The following GATAD2B variants were observed in gnomAD, a reference collection of about 807,000 sequenced individuals.
GATAD2B encodes the protein transcriptional repressor p66-beta.
A neutral mutation model predicts 64.3 loss-of-function variants in GATAD2B; 8 were observed. That is an observed-to-expected ratio of 0.12 (90% CI 0.07 to 0.22). The LOEUF is 0.22. Ranked by LOEUF, GATAD2B falls within the 10% of genes least tolerant of loss-of-function variation. The pLI is 1.00. For synonymous variants in GATAD2B, 281 were observed against 271.3 expected, an observed-to-expected ratio of 1.04 and a Z score of -0.35; for missense variants, 453 against 752.0, an observed-to-expected ratio of 0.60 and a Z score of 4.65.
chr1:153,920,975 C>T (rs556697381), intron 1 of GATAD2B, among the ~76,000 whole-genome samples: 2 of 152,194 alleles, frequency 1.3e-5, no homozygotes, highest in East Asian at 3.9e-4. Context: ...ATATCCGTCA[C>T]AAAAAAAGCA....
intron 1 of GATAD2B, among the ~76,000 whole-genome samples, chr1:153,868,905 C>T (rs182303800): frequency 3.0e-4 from 45 of 151,938 alleles, no homozygotes; most frequent in African/African-American, 8.7e-4. Flanking sequence ...TGGCTAGTTT[C>T]GTATTTTTAG....
intron 1 of GATAD2B, among the ~76,000 whole-genome samples, chr1:153,862,376 A>G (rs1293181669): frequency 1.3e-5 from 2 of 151,578 alleles, no homozygotes; most frequent in Non-Finnish European, 2.9e-5. Flanking sequence ...GCCCGCCTCA[A>G]CCTCCCAAAG....
At chr1:153,869,175 C>T (rs1417801769) in intron 1 of GATAD2B, among the ~76,000 whole-genome samples, 2 of 151,680 alleles carry the variant, frequency 1.3e-5, no homozygotes, top group Non-Finnish European at 2.9e-5. Flanking sequence ...GCCTGTAGTC[C>T]CAGCTACTTG....
intron 1 of GATAD2B, among the ~76,000 whole-genome samples, chr1:153,883,765 G>A (rs547452268): frequency 2.0e-5 from 3 of 150,942 alleles, no homozygotes; most frequent in Middle Eastern, 3.4e-3. Flanking sequence ...TAAGCTGTCT[G>A]TAGCAATTAC....
chr1:153,900,135 T>G (rs895404880), intron 1 of GATAD2B, among the ~76,000 whole-genome samples: 3 of 152,124 alleles, frequency 2.0e-5, no homozygotes, highest in Non-Finnish European at 4.4e-5. Context: ...TTTTTTTTAC[T>G]GGGCGCAGTG....
intron 1 of GATAD2B, among the ~76,000 whole-genome samples, chr1:153,899,837 A>G (rs959776771): frequency 2.0e-5 from 3 of 152,184 alleles, no homozygotes; most frequent in African/African-American, 7.2e-5. Context: ...TTTTTGGAGA[A>G]TAACTTAAAG....
chr1:153,906,043 G>C (rs1375748826), intron 1 of GATAD2B, among the ~76,000 whole-genome samples: 1 of 148,998 alleles, frequency 6.7e-6, no homozygotes, highest in East Asian at 2.0e-4. Context: ...CTCCAGCCTG[G>C]TGACAGAGGG....
intron 1 of GATAD2B, among the ~76,000 whole-genome samples, chr1:153,917,708 T>C (rs932084167): frequency 6.6e-6 from 1 of 152,150 alleles, no homozygotes; most frequent in Non-Finnish European, 1.5e-5. Context: ...AAACATTTAT[T>C]ATTAACTACA....
At chr1:153,881,650 G>A (rs1342331541) in intron 1 of GATAD2B, among the ~76,000 whole-genome samples, 1 of 152,202 alleles carries the variant, frequency 6.6e-6, no homozygotes, top group Non-Finnish European at 1.5e-5. Context: ...GGGAGGGCAA[G>A]ACAGTTAAAA....
intron 1 of GATAD2B, among the ~76,000 whole-genome samples, chr1:153,908,758 G>A (rs1277149641): frequency 1.5e-5 from 2 of 134,190 alleles, no homozygotes; most frequent in Admixed American, 8.5e-5. Flanking sequence ...GTGAGCCACC[G>A]CACCTGGCCT....
Position 153,810,197 on chromosome 1 carries a change from A to G in GATAD2B, c.1762T>C (p.Ser588Pro), listed in dbSNP as rs759123419. ...AGGCGTTATTTCTGTCCACTGATGG[A>G]CTGCGATATAGACCGGGGAGGGATC... ...DMIPPRSISQ[S>P]ISGQK is the part of the protein sequence containing the mutation. The change falls in exon 11 of 11, where the codon TCC becomes CCC. Residue 588 changes from serine to proline, a missense_variant. By Grantham distance (74) the Ser-to-Pro change is moderately conservative. Around this residue, in one of 2 missense-constraint regions of GATAD2B, gnomAD observed 160 missense variants for 334.7 expected, o/e 0.48. Coordinates refer to ENST00000368655, the MANE Select transcript of GATAD2B (RefSeq NM_020699.4). The G allele has an allele frequency of 1.2e-6, 2 of 1,610,870 alleles. No individual in the cohort carries two copies. Among genetic ancestry groups the G allele is most frequent in the South Asian group, 2.2e-5 (2 of 90,526 alleles).
At position 153,808,168 on chromosome 1, in the gene GATAD2B, C is replaced by A. The variant is rs1239105506; in HGVS notation, c.*2009G>T. 2 of 152,552 alleles carry A rather than the reference C, an allele frequency of 1.3e-5. No individual in the cohort carries two copies. The highest frequency in any genetic ancestry group is 3.9e-4 in the East Asian group (2 of 5,194). The allele number at this position is 152,552 out of a possible 1,614,324, so 9.4% of individuals were successfully genotyped here. The stretch of plus-strand genomic sequence containing the variant: ...GTACCACATTCCCCGGAAAAATACT[C>A]AAAAAACCCAATCACTACCTGTTAC... On this transcript the variant is annotated 3_prime_UTR_variant, in exon 11 of 11. Transcript: ENST00000368655.
At chr1:153,831,652 AC>A (rs1675079717) in intron 1 of GATAD2B, among the ~76,000 whole-genome samples, 1 of 152,048 alleles carries the variant, frequency 6.6e-6, no homozygotes, top group Admixed American at 6.6e-5. Flanking sequence ...ATCACACTTC[AC>A]CTCCCAATTT....
intron 1 of GATAD2B, among the ~76,000 whole-genome samples, chr1:153,833,073 A>G (rs1257422270): frequency 6.6e-6 from 1 of 152,162 alleles, no homozygotes; most frequent in African/African-American, 2.4e-5. Context: ...TGGGCATAGT[A>G]GTGCACACCA....
At chr1:153,892,556 A>C (rs1677449375) in intron 1 of GATAD2B, among the ~76,000 whole-genome samples, 1 of 152,176 alleles carries the variant, frequency 6.6e-6, no homozygotes, top group African/African-American at 2.4e-5. Context: ...AAGGAGTTTA[A>C]AATCAGAATT....
intron 1 of GATAD2B, among the ~76,000 whole-genome samples, chr1:153,851,536 A>G (rs1441667634): frequency 6.6e-6 from 1 of 152,120 alleles, no homozygotes; most frequent in Non-Finnish European, 1.5e-5. Flanking sequence ...ATGATTAGCA[A>G]TGTTGAGCAA....
In GATAD2B at chr1:153,812,091, G is replaced by C. The variant is rs531641324; in HGVS notation, c.1461C>G (p.Pro487=). 68 of 1,612,744 alleles carry C rather than the reference G, an allele frequency of 4.2e-5. No homozygotes were observed. Among genetic ancestry groups the C allele is most frequent in the East Asian group, 1.3e-4 (6 of 44,884 alleles). ...QRLQQQAALS[P]TTAPAVSSVS... Reference sequence around the variant, plus strand: ...CACTGGACACAGCTGGAGCCGTAGTGGGGGAGAGGGCTGCCTGCTGCTGTA... The same window carrying C: ...CACTGGACACAGCTGGAGCCGTAGTCGGGGAGAGGGCTGCCTGCTGCTGTA... Residue 487 remains proline, a synonymous_variant, in exon 9 of 11, where the codon CCC becomes CCG. Transcript: ENST00000368655.
intron 7 of GATAD2B, among the ~76,000 whole-genome samples, chr1:153,815,870 T>C (rs1293721296): frequency 1.3e-5 from 2 of 152,010 alleles, no homozygotes; most frequent in Non-Finnish European, 2.9e-5. Context: ...CTGGCCAACA[T>C]GATGAAACCC....
intron 1 of GATAD2B, among the ~76,000 whole-genome samples, chr1:153,884,365 C>T (rs1367317567): frequency 6.6e-6 from 1 of 152,178 alleles, no homozygotes; most frequent in African/African-American, 2.4e-5. Flanking sequence ...ATGGCCTGAA[C>T]CCGGGAGGCA....
Sources: gnomAD v4.1 joint callset for allele counts (sites outside exome capture counted in the v4.1 genomes callset) on GRCh38, gnomAD v4.1.1 for gene constraint, gnomAD v4.1.1 regional missense constraint, MANE v1.5 for transcripts, NCBI Gene and HGNC (gene_info 2026-07-23, HGNC 2026-07-21) for gene names.